Variants in KRT3 observed in about 807,000 individuals in gnomAD.
KRT3 encodes the protein keratin 3, also known as keratin, type II cytoskeletal 3.
In KRT3, 34 loss-of-function variants were observed where a neutral mutation model predicts 45.8. That is an observed-to-expected ratio of 0.74 (90% CI 0.57 to 0.99). The LOEUF (loss-of-function observed/expected upper bound fraction) is 0.99. Ranked by LOEUF, KRT3 falls within the 50% of genes least tolerant of loss-of-function variation. The pLI is 0.00. For synonymous variants in KRT3, 367 were observed against 329.0 expected (o/e 1.12, Z -1.25); for missense variants, 828 against 820.6 (o/e 1.01, Z -0.11).
chr12:52,790,340 G>T lies in KRT3; in HGVS notation c.1589C>A (p.Thr530Lys), dbSNP rs1565677120. ...AVSISVVSSSTTSASAGGYGG... is the reference protein window; with the variant it reads ...AVSISVVSSSKTSASAGGYGG... Reference sequence around the variant, plus strand: ...ATAGCCACCTGCGGAGGCGGAAGTCGTGCTGCTGCTGACCACGGCTGTGGG... The same window carrying T: ...ATAGCCACCTGCGGAGGCGGAAGTCTTGCTGCTGCTGACCACGGCTGTGGG... The change falls in exon 9 of 9, where the codon ACG becomes AAG. Residue 530 changes from threonine to lysine, a missense_variant. Coordinates refer to ENST00000417996, the MANE Select transcript of KRT3 (RefSeq NM_057088.3). 3 of 1,595,952 alleles carry T rather than the reference G, an allele frequency of 1.9e-6. No homozygotes were observed. The highest frequency in any genetic ancestry group is 2.3e-5 in the East Asian group (1 of 44,314).
chr12:52,790,088 A>T lies in KRT3; in HGVS notation c.1841T>A (p.Ile614Asn), dbSNP rs1421950425. ...FSSASNRGGS[I>N]KFSQSSQSSQ... ...GGACTGGGAGGACTGGGAGAACTTG[A>T]TGCTGCCGCCCCGGTTGCTGGCCGA... The change falls in exon 9 of 9, where the codon ATC becomes AAC. Residue 614 changes from isoleucine to asparagine, a missense_variant. Physicochemically the swap from Ile to Asn is moderately radical, Grantham distance 149. Coordinates refer to ENST00000417996, the MANE Select transcript of KRT3 (RefSeq NM_057088.3). 5 of 1,541,814 alleles carry T rather than the reference A, an allele frequency of 3.2e-6. No homozygotes were observed. The African/African-American group carries it at 6.9e-5, about 21-fold the overall frequency.
In KRT3 at chr12:52,792,219, A is replaced by G. The variant is rs1312892124; in HGVS notation, c.1188+20T>C. The G allele has an allele frequency of 6.2e-7, 1 of 1,608,998 alleles. No individual in the cohort carries two copies. The highest frequency in any genetic ancestry group is 1.7e-5 in the Admixed American group (1 of 59,926). On this transcript the variant is annotated intron_variant, in intron 5 of 8. Coordinates refer to ENST00000417996, the MANE Select transcript of KRT3 (RefSeq NM_057088.3). Reference sequence around the variant, plus strand: ...CTCTGAAACCTCCAGTGGATCCCGTAAGAGGTGACTAGCACCCACCTTGGT... The same window carrying G: ...CTCTGAAACCTCCAGTGGATCCCGTGAGAGGTGACTAGCACCCACCTTGGT...
intron 6 of KRT3, 23 bp from the exon 7 acceptor site, chr12:52,791,449 A>G: frequency 6.2e-7 from 1 of 1,612,210 alleles, no homozygotes; most frequent in Non-Finnish European, 8.5e-7. Flanking sequence ...AGGTAGGAGG[A>G]ATGAGCTCAG....
chr12:52,794,120 A>T lies in KRT3; in HGVS notation c.857T>A (p.Phe286Tyr). Residue 286 changes from phenylalanine to tyrosine, a missense_variant, in exon 2 of 9, where the codon TTC becomes TAC. By Grantham distance (22) the Phe-to-Tyr change is conservative. Coordinates refer to ENST00000417996, the MANE Select transcript of KRT3 (RefSeq NM_057088.3). Reference sequence around the variant, plus strand: ...CTGCCCTGTCACTCACTTCTTCTTGAAGTCTTCCACCAGGTCCTCCATGTT... The same window carrying T: ...CTGCCCTGTCACTCACTTCTTCTTGTAGTCTTCCACCAGGTCCTCCATGTT... The part of the protein sequence containing the change: ...LKNMEDLVED[F>Y]KKKYEDEINK... The T allele has an allele frequency of 1.2e-6, 2 of 1,613,620 alleles. No individual in the cohort carries two copies. Among genetic ancestry groups the T allele is most frequent in the Non-Finnish European group, 1.7e-6 (2 of 1,179,546 alleles).
chr12:52,795,737 TC>T lies in KRT3; in HGVS notation c.305del (p.Gly102GlufsTer72), dbSNP rs758370571. ...CACCAAAGCCACCACCAAAGCCACCTCCATAGCCGCTCCCAAAGCCACCTCC... is the reference window on the plus strand; with the variant it reads ...CACCAAAGCCACCACCAAAGCCACCTCATAGCCGCTCCCAAAGCCACCTCC... ...GYGGGFGSGYGGGFGGGFGGG... is the reference protein window; with the variant it reads ...GYGGGFGSGYXGGFGGGFGGG... On this transcript the variant is annotated frameshift_variant, in exon 1 of 9. Transcript: ENST00000417996. LOFTEE classifies it high-confidence loss of function. 1.9e-6 allele frequency: 3 copies of T among 1,612,478 alleles called. 1 individual carries two copies. In the South Asian group the frequency reaches 3.3e-5, roughly 18 times the overall value.
At chr12:52,791,470 C>G (rs759930409) in intron 6 of KRT3, 44 bp from the exon 7 acceptor site, 3 of 1,581,094 alleles carry the variant, frequency 1.9e-6, no homozygotes, top group Non-Finnish European at 2.6e-6. Flanking sequence ...TAAGAGGGCC[C>G]CAGGCCCTTC....
At chr12:52,791,492 T>G in intron 6 of KRT3, 66 bp from the exon 7 acceptor site, 1 of 1,530,822 alleles carries the variant, frequency 6.5e-7, no homozygotes, top group Non-Finnish European at 9.0e-7. Flanking sequence ...TGACATGCAA[T>G]GGATTATCCC....
chr12:52,794,618 T>C (rs1011014607), intron 1 of KRT3, among the ~76,000 whole-genome samples: 3 of 152,220 alleles, frequency 2.0e-5, no homozygotes, highest in Non-Finnish European at 1.5e-5. Flanking sequence ...TTCATGACCC[T>C]ATCTTAACTT....
At chr12:52,791,644 T>A (rs764111596) in intron 6 of KRT3, 47 bp downstream of exon 6, 4 of 1,612,084 alleles carry the variant, frequency 2.5e-6, no homozygotes, top group Non-Finnish European at 3.4e-6. Context: ...TCCTAGCCCC[T>A]GCCCCTCAGC....
In KRT3 at chr12:52,789,708, C is replaced by G; in HGVS notation, c.*334G>C. Reference sequence around the variant, plus strand: ...AGTGAAACACAGTGCACTTTATTGGCGACAGACCGGAGGGGCGGAGGGGGC... The same window carrying G: ...AGTGAAACACAGTGCACTTTATTGGGGACAGACCGGAGGGGCGGAGGGGGC... On this transcript the variant is annotated 3_prime_UTR_variant, in exon 9 of 9. Coordinates refer to ENST00000417996, the MANE Select transcript of KRT3 (RefSeq NM_057088.3). 4.2e-6 allele frequency: 2 copies of G among 480,930 alleles called. No homozygotes were observed. Among genetic ancestry groups the G allele is most frequent in the Non-Finnish European group, 7.5e-6 (2 of 266,052 alleles). 29.8% of individuals were successfully genotyped at this position (480,930 alleles called of 1,614,324 possible). A position where few individuals can be genotyped will look rare whatever the true frequency, so the allele number is the denominator to read the frequency against.
rs750112577 is a variant in KRT3, at chr12:52,795,636, C to T, written c.407G>A (p.Gly136Asp). Residue 136 changes from glycine to aspartate, a missense_variant, in exon 1 of 9, where the codon GGC becomes GAC. By Grantham distance (94) the Gly-to-Asp change is moderately conservative. Coordinates refer to ENST00000417996, the MANE Select transcript of KRT3 (RefSeq NM_057088.3). ...GGAGGFGGAG[G>D]FGGPGGFGGS... is the part of the protein sequence containing the mutation. ...ACCAAAGCCACCAGGACCACCAAAG[C>T]CACCAGCCCCTCCAAAGCCACCAGC... 4.8e-6 allele frequency: 7 copies of T among 1,443,478 alleles called. No individual in the cohort carries two copies. The highest frequency in any genetic ancestry group is 3.0e-5 in the Admixed American group (1 of 33,262). 89.4% of individuals were successfully genotyped at this position (1,443,478 alleles called of 1,614,324 possible).
At position 52,789,799 on chromosome 12, in the gene KRT3, A is replaced by G. The variant is rs1939442514; in HGVS notation, c.*243T>C. ...CAGGGAGGGGACTCCGGGGCAGCAG[A>G]AGGTGGCGGCCTAGGCCACACCTGG... On this transcript the variant is annotated 3_prime_UTR_variant, in exon 9 of 9. Coordinates refer to ENST00000417996, the MANE Select transcript of KRT3 (RefSeq NM_057088.3). 6.1e-5 allele frequency: 37 copies of G among 610,502 alleles called. 2 individuals carry two copies. In the South Asian group the frequency reaches 6.4e-4, roughly 11 times the overall value. 37.8% of individuals were successfully genotyped at this position (610,502 alleles called of 1,614,324 possible).
intron 8 of KRT3, 115 bp from the exon 9 acceptor site, chr12:52,790,473 A>G: frequency 9.5e-7 from 1 of 1,050,122 alleles, no homozygotes; most frequent in Non-Finnish European, 1.3e-6. Context: ...GCAGCTTTGC[A>G]CAGGATGTTC....
intron 8 of KRT3, 75 bp from the exon 9 acceptor site, chr12:52,790,433 C>T (rs1012421542): frequency 4.3e-6 from 6 of 1,400,224 alleles, no homozygotes; most frequent in African/African-American, 2.9e-5. Flanking sequence ...AATGATCCAC[C>T]GGGCCCACGA....
At chr12:52,792,912 C>T (rs1046858761) in intron 3 of KRT3, 106 bp from the exon 4 acceptor site, 83 of 790,114 alleles carry the variant, frequency 1.1e-4, no homozygotes, top group Non-Finnish European at 1.6e-4. Context: ...TGGTCCTTGT[C>T]TAAGACCAGT....
At chr12:52,791,515 G>A in intron 6 of KRT3, 89 bp from the exon 7 acceptor site, 1 of 1,487,242 alleles carries the variant, frequency 6.7e-7, no homozygotes, top group South Asian at 1.2e-5. Flanking sequence ...CTTAAAGTCA[G>A]GGAACATTCC....
chr12:52,794,265 T>A lies in KRT3; in HGVS notation c.712A>T (p.Thr238Ser). The change falls in exon 2 of 9, where the codon ACA (threonine) becomes TCA (serine). Residue 238 changes from threonine (T) to serine (S), a missense_variant. Coordinates refer to ENST00000417996, the MANE Select transcript of KRT3 (RefSeq NM_057088.3). ...TKWNLLQQQG[T>S]SSISGTNNLE... ...TTGTTTGTGCCTGAGATGGAACTTGTGCCCTGCTGCTGGAGCAGGTTCCAC... is the reference window on the plus strand; with the variant it reads ...TTGTTTGTGCCTGAGATGGAACTTGAGCCCTGCTGCTGGAGCAGGTTCCAC... The A allele has an allele frequency of 1.9e-6, 3 of 1,614,184 alleles. No homozygotes were observed. The highest frequency in any genetic ancestry group is 2.5e-6 in the Non-Finnish European group (3 of 1,180,018).
At position 52,794,141 on chromosome 12, in the gene KRT3, A is replaced by C. The variant is rs373149040; in HGVS notation, c.836T>G (p.Met279Arg). The C allele has an allele frequency of 2.5e-6, 4 of 1,614,000 alleles. No homozygotes were observed. Among genetic ancestry groups the C allele is most frequent in the Non-Finnish European group, 2.5e-6 (3 of 1,180,006 alleles). Residue 279 changes from methionine to arginine, a missense_variant, in exon 2 of 9, where the codon ATG (methionine) becomes AGG (arginine). Met to Arg is a moderately conservative substitution (Grantham distance 91). Coordinates refer to ENST00000417996, the MANE Select transcript of KRT3 (RefSeq NM_057088.3). ...CTTGAAGTCTTCCACCAGGTCCTCCATGTTCTTCAGCTCAGAGTCCAGGCG... is the reference window on the plus strand; with the variant it reads ...CTTGAAGTCTTCCACCAGGTCCTCCCTGTTCTTCAGCTCAGAGTCCAGGCG... ...RGRLDSELKNMEDLVEDFKKK... is the reference protein window; with the variant it reads ...RGRLDSELKNREDLVEDFKKK...
Position 52,790,239 on chromosome 12 carries a change from A to AG in KRT3, c.1689dup (p.Phe564LeufsTer164). 6.5e-7 allele frequency: 1 copy of AG among 1,550,114 alleles called. No individual in the cohort carries two copies. Among genetic ancestry groups the AG allele is most frequent in the Non-Finnish European group, 8.7e-7 (1 of 1,146,616 alleles). ...ATTCCACCGCCGCCTCCCCGGCCAA[A>AG]GCCACTGCCTGAGCCGCCGCCCGCA... On this transcript the variant is annotated frameshift_variant, in exon 9 of 9. Coordinates refer to ENST00000417996, the MANE Select transcript of KRT3 (RefSeq NM_057088.3). LOFTEE classifies it low-confidence loss of function (END_TRUNC).
Sources: gnomAD v4.1 joint callset for allele counts (sites outside exome capture counted in the v4.1 genomes callset) on GRCh38, gnomAD v4.1.1 for gene constraint, MANE v1.5 for transcripts, NCBI Gene and HGNC (gene_info 2026-07-23, HGNC 2026-07-21) for gene names.